CTSW: variants seen among roughly 807,000 people sequenced by gnomAD.
The protein encoded by CTSW is lymphopain.
A neutral mutation model predicts 43.8 loss-of-function variants in CTSW; 42 were observed. The observed-to-expected ratio is 0.96, with a 90% CI of 0.75 to 1.24. The LOEUF is 1.24. Ranked by LOEUF, CTSW falls within the 50% of genes most tolerant of loss-of-function variation. The pLI, the probability that CTSW is intolerant of heterozygous loss-of-function variation, is 0.00. For missense variants in CTSW, 475 were observed against 479.9 expected (o/e 0.99, Z 0.09); for synonymous variants, 191 against 184.8 (o/e 1.03, Z -0.27).
Position 65,881,460 on chromosome 11 carries a change from C to T in CTSW, c.226C>T (p.Leu76=). Residue 76 remains leucine (L), a synonymous_variant, in exon 3 of 10, where the codon CTG becomes TTG. Coordinates refer to ENST00000307886, the MANE Select transcript of CTSW (RefSeq NM_001335.4). ...CCACAACCTGGCCCAGGCTCAGAGG[C>T]TGCAGGAGGAGGACTTGGGCACAGC... ...FAHNLAQAQR[L]QEEDLGTAEF... is the part of the protein sequence containing the mutation. 6.2e-7 allele frequency: 1 copy of T among 1,611,656 alleles called. No homozygotes were observed. Among genetic ancestry groups the T allele is most frequent in the Non-Finnish European group, 8.5e-7 (1 of 1,178,736 alleles).
In CTSW at chr11:65,880,296, G is replaced by A. The variant is rs1344724341; in HGVS notation, c.172+10G>A. 2 of 1,608,860 alleles carry A rather than the reference G, an allele frequency of 1.2e-6. No individual in the cohort carries two copies. The highest frequency in any genetic ancestry group is 1.7e-5 in the Admixed American group (1 of 59,766). ...TACCTGAGCCCAGAAGGTATCACAG[G>A]GCACATACATCTCCAGTCCAAGCCC... On this transcript the variant is annotated intron_variant, in intron 2 of 9. Coordinates refer to ENST00000307886, the MANE Select transcript of CTSW (RefSeq NM_001335.4).
Position 65,882,614 on chromosome 11 carries a change from CTGGACTGT to C in CTSW, c.545_552del (p.Leu182ArgfsTer28). The stretch of plus-strand genomic sequence containing the variant: ...ACTGTCCCTTCTTGCACCAGAACTG[CTGGACTGT>C]GGCCGCTGTGGGGATGGCTGCCACG... On this transcript the variant is annotated frameshift_variant, in exon 6 of 10. Coordinates refer to ENST00000307886, the MANE Select transcript of CTSW (RefSeq NM_001335.4). LOFTEE classifies it high-confidence loss of function. 1.2e-6 allele frequency: 2 copies of C among 1,614,182 alleles called. No homozygotes were observed. The highest frequency in any genetic ancestry group is 1.7e-6 in the Non-Finnish European group (2 of 1,180,048).
At chr11:65,880,325 C>T (rs1004500720) in intron 2 of CTSW, 39 bp downstream of exon 2, 17 of 1,316,988 alleles carry the variant, frequency 1.3e-5, no homozygotes, top group Non-Finnish European at 1.7e-5. Flanking sequence ...CAAGCCCCCA[C>T]TTTTTTTTTT....
In CTSW at chr11:65,882,862, G is replaced by C; in HGVS notation, c.703G>C (p.Ala235Pro). Residue 235 changes from alanine to proline, a missense_variant, in exon 7 of 10, where the codon GCC becomes CCC. Coordinates refer to ENST00000307886, the MANE Select transcript of CTSW (RefSeq NM_001335.4). ...RCHPKKYQKV[A>P]WIQDFIMLQN... is the part of the protein sequence containing the mutation. The stretch of plus-strand genomic sequence containing the variant: ...CCACCCCAAGAAGTACCAGAAGGTG[G>C]CCTGGATCCAGGACTTCATCATGCT... 1 of 1,614,122 alleles carries C rather than the reference G, an allele frequency of 6.2e-7. No individual in the cohort carries two copies. The highest frequency in any genetic ancestry group is 8.5e-7 in the Non-Finnish European group (1 of 1,180,026).
rs771762277 is a variant in CTSW at position 65,882,651 on chromosome 11, GCTT to G, written c.583_585del (p.Phe195del). On this transcript the variant is annotated inframe_deletion, in exon 6 of 10. Coordinates refer to ENST00000307886, the MANE Select transcript of CTSW (RefSeq NM_001335.4). ...CGCTGTGGGGATGGCTGCCACGGTG[GCTT>G]CGTCTGGGACGCGTTCATAACTGTC... is the stretch of plus-strand genomic sequence containing the variant. The G allele has an allele frequency of 1.2e-6, 2 of 1,614,148 alleles. No individual in the cohort carries two copies. The highest frequency in any genetic ancestry group is 1.7e-6 in the Non-Finnish European group (2 of 1,180,038).
Position 65,883,358 on chromosome 11 carries a change from T to C in CTSW, c.954T>C (p.Pro318=), listed in dbSNP as rs1259518554. ...WAETVSSQSQ[P]QPPHPTPYWI... is the part of the protein sequence containing the mutation. Reference sequence around the variant, plus strand: ...AGACAGTCTCATCGCAGTCTCAGCCTCAGCCTCCACACCCCACCCCATACT... The same window carrying C: ...AGACAGTCTCATCGCAGTCTCAGCCCCAGCCTCCACACCCCACCCCATACT... Residue 318 remains proline, a synonymous_variant, in exon 9 of 10, where the codon CCT becomes CCC. Transcript: ENST00000307886. The C allele has an allele frequency of 6.2e-7, 1 of 1,613,956 alleles. No homozygotes were observed. Among genetic ancestry groups the C allele is most frequent in the African/African-American group, 1.3e-5 (1 of 74,870 alleles).
intron 2 of CTSW, 39 bp downstream of exon 2, chr11:65,880,325 C>CT (rs201535604): frequency 0.15 from 181,740 of 1,225,720 alleles, no homozygotes; most frequent in Non-Finnish European, 0.16. Flanking sequence ...CAAGCCCCCA[C>CT]TTTTTTTTTT....
intron 3 of CTSW, 42 bp downstream of exon 3, chr11:65,881,562 C>G: frequency 7.2e-7 from 1 of 1,396,614 alleles, no homozygotes; most frequent in South Asian, 1.2e-5. Flanking sequence ...GGTTGGGAAG[C>G]GATCTCCCCA....
At chr11:65,880,323 C>T in intron 2 of CTSW, 37 bp downstream of exon 2, 19 of 1,535,832 alleles carry the variant, frequency 1.2e-5, no homozygotes, top group Non-Finnish European at 1.5e-5. Flanking sequence ...TCCAAGCCCC[C>T]ACTTTTTTTT....
chr11:65,883,720 A>G lies in CTSW; in HGVS notation c.*102A>G. Reference sequence around the variant, plus strand: ...TCCTCCCAATCTCAATACAGCCTGAATAAACCAAGACAAGACCTCTGGCTT... The same window carrying G: ...TCCTCCCAATCTCAATACAGCCTGAGTAAACCAAGACAAGACCTCTGGCTT... On this transcript the variant is annotated 3_prime_UTR_variant, in exon 10 of 10. Transcript: ENST00000307886. 1.9e-6 allele frequency: 2 copies of G among 1,069,726 alleles called. No homozygotes were observed. The highest frequency in any genetic ancestry group is 2.8e-6 in the Non-Finnish European group (2 of 714,404). The allele number at this position is 1,069,726 out of a possible 1,614,324, so 66.3% of individuals were successfully genotyped here. A position where few individuals can be genotyped will look rare whatever the true frequency, so the allele number is the denominator to read the frequency against.
At position 65,882,195 on chromosome 11, in the gene CTSW, T is replaced by C. The variant is rs1230652048; in HGVS notation, c.307T>C (p.Tyr103His). The C allele has an allele frequency of 6.2e-7, 1 of 1,614,120 alleles. No homozygotes were observed. Among genetic ancestry groups the C allele is most frequent in the South Asian group, 1.1e-5 (1 of 91,086 alleles). ...CCCAGAGGAGGAGTTTGGCCAGCTC[T>C]ATGGCTATCGGAGGGCAGCTGGAGG... ...DLTEEEFGQL[Y>H]GYRRAAGGVP... Residue 103 changes from tyrosine to histidine, a missense_variant, in exon 4 of 10, where the codon TAT becomes CAT. Transcript: ENST00000307886.
At position 65,883,368 on chromosome 11, in the gene CTSW, C is replaced by G; in HGVS notation, c.964C>G (p.His322Asp). The stretch of plus-strand genomic sequence containing the variant: ...ATCGCAGTCTCAGCCTCAGCCTCCA[C>G]ACCCCACCCCATACTGGATCCTGAA... ...VSSQSQPQPP[H>D]PTPYWILKNS... The change falls in exon 9 of 10, where the codon CAC becomes GAC. Residue 322 changes from histidine to aspartate, a missense_variant. His to Asp is a moderately conservative substitution (Grantham distance 81). Transcript: ENST00000307886. 1 of 1,614,124 alleles carries G rather than the reference C, an allele frequency of 6.2e-7. No homozygotes were observed. The highest frequency in any genetic ancestry group is 1.1e-5 in the South Asian group (1 of 91,082).
chr11:65,882,232 TGGGCAGAGAAATAA>T lies in CTSW; in HGVS notation c.347_360del (p.Gly116ValfsTer2), dbSNP rs1294003724. 3.1e-6 allele frequency: 5 copies of T among 1,613,972 alleles called. No individual in the cohort carries two copies. The highest frequency in any genetic ancestry group is 1.7e-5 in the Admixed American group (1 of 59,970). ...AGGGCAGCTGGAGGGGTCCCCAGCA[TGGGCAGAGAAATAA>T]GGTCTGAAGAGCCAGAGGAGTCAGT... On this transcript the variant is annotated frameshift_variant, in exon 4 of 10. Transcript: ENST00000307886. LOFTEE classifies it high-confidence loss of function.
At chr11:65,880,177 C>T (rs1860088283) in intron 1 of CTSW, 25 bp from the exon 2 acceptor site, 1 of 1,604,736 alleles carries the variant, frequency 6.2e-7, no homozygotes, top group African/African-American at 1.3e-5. Flanking sequence ...CCCACTGCCC[C>T]TCTCCACCCT....
rs1408871754 is a variant in CTSW at position 65,883,434 on chromosome 11, A to C, written c.1020+10A>C. On this transcript the variant is annotated intron_variant, in intron 9 of 9. Transcript: ENST00000307886. The stretch of plus-strand genomic sequence containing the variant: ...CCAATGGGGAGAGAAGGTGAGTGTG[A>C]TCTATTGGGGGAGGGGGCAAGGCAG... 6.2e-7 allele frequency: 1 copy of C among 1,613,844 alleles called. No individual in the cohort carries two copies. Among genetic ancestry groups the C allele is most frequent in the Non-Finnish European group, 8.5e-7 (1 of 1,179,906 alleles).
chr11:65,882,976 C>T, intron 7 of CTSW, 72 bp downstream of exon 7: 1 of 1,611,994 alleles, frequency 6.2e-7, no homozygotes, highest in Non-Finnish European at 8.5e-7. Context: ...CGCTGGGCTA[C>T]TGGGCTAGAA....
chr11:65,883,313 AGAG>A lies in CTSW; in HGVS notation c.914_916del (p.Glu305del). 1.2e-6 allele frequency: 2 copies of A among 1,614,086 alleles called. No homozygotes were observed. Among genetic ancestry groups the A allele is most frequent in the African/African-American group, 1.3e-5 (1 of 75,000 alleles). On this transcript the variant is annotated inframe_deletion, in exon 9 of 10. Transcript: ENST00000307886. The stretch of plus-strand genomic sequence containing the variant: ...TGGTGGGTTTTGGCAGCGTCAAGTC[AGAG>A]GAGGGGATATGGGCAGAGACAGTCT...
In CTSW at chr11:65,883,304, C is replaced by G; in HGVS notation, c.900C>G (p.Ser300Arg). 6.2e-7 allele frequency: 1 copy of G among 1,614,018 alleles called. No homozygotes were observed. Among genetic ancestry groups the G allele is most frequent in the South Asian group, 1.1e-5 (1 of 91,074 alleles). ...CTGTCCTGCTGGTGGGTTTTGGCAG[C>G]GTCAAGTCAGAGGAGGGGATATGGG... Reference protein sequence around the residue: ...DHSVLLVGFGSVKSEEGIWAE... With the variant: ...DHSVLLVGFGRVKSEEGIWAE... The change falls in exon 9 of 10, where the codon AGC (serine) becomes AGG (arginine). Residue 300 changes from serine to arginine, a missense_variant. Transcript: ENST00000307886.
At chr11:65,880,952 G>T (rs1206438086) in intron 2 of CTSW, among the ~76,000 whole-genome samples, 1 of 152,176 alleles carries the variant, frequency 6.6e-6, no homozygotes, top group East Asian at 1.9e-4. Flanking sequence ...TCTAGCCCAT[G>T]ATCTAACCCC....
Sources: gnomAD v4.1 joint callset for allele counts (sites outside exome capture counted in the v4.1 genomes callset) on GRCh38, gnomAD v4.1.1 for gene constraint, MANE v1.5 for transcripts, NCBI Gene and HGNC (gene_info 2026-07-23, HGNC 2026-07-21) for gene names.